Variants in ITGB4 observed in about 807,000 individuals in gnomAD.
ITGB4 encodes the protein integrin subunit beta 4, also known as integrin beta-4.
ITGB4 carries 159 observed loss-of-function variants against 207.6 expected under a neutral mutation model. The ratio of observed to expected loss-of-function variants is 0.77; its 90% CI spans 0.67 to 0.87. The LOEUF is 0.87. Ranked by LOEUF, ITGB4 falls within the 40% of genes least tolerant of loss-of-function variation. ITGB4 has a pLI of 0.00. For synonymous variants in ITGB4, 1,020 were observed against 1,062.7 expected (o/e 0.96, Z 0.78); for missense variants, 2,278 against 2,546.8 (o/e 0.89, Z 2.27).
At chr17:75,754,955 T>TGC (rs2061457104) in intron 34 of ITGB4, 140 bp downstream of exon 34, 5 of 1,279,926 alleles carry the variant, frequency 3.9e-6, no homozygotes, top group African/African-American at 1.9e-5. Flanking sequence ...CGCACACACG[T>TGC]GCACACGCAT....
At position 75,749,060 on chromosome 17, in the gene ITGB4, G is replaced by A. The variant is rs772579736; in HGVS notation, c.3316+15G>A. The A allele has an allele frequency of 3.1e-6, 5 of 1,604,202 alleles. No homozygotes were observed. Among genetic ancestry groups the A allele is most frequent in the South Asian group, 2.2e-5 (2 of 90,670 alleles). On this transcript the variant is annotated intron_variant, in intron 27 of 39. Coordinates refer to ENST00000200181, the MANE Select transcript of ITGB4 (RefSeq NM_000213.5). ...CAGGGACCCAGGTAGGCAGAGCCTG[G>A]GGGTCGGCTTAAGCAGGAGGAGAGG...
Position 75,727,271 on chromosome 17 carries a change from A to G in ITGB4, c.156A>G (p.Thr52=). The G allele has an allele frequency of 1.2e-6, 2 of 1,614,002 alleles. No individual in the cohort carries two copies. The highest frequency in any genetic ancestry group is 1.7e-6 in the Non-Finnish European group (2 of 1,179,932). ...TGGATAAGGACTGCGCCTACTGCAC[A>G]GACGAGGTGAGGACCTGGCCCGGGT... ...VRVDKDCAYC[T]DEMFRDRRCN... is the part of the protein sequence containing the mutation. Residue 52 remains threonine (T), a synonymous_variant, in exon 3 of 40, where the codon ACA becomes ACG. Transcript: ENST00000200181. The surrounding 1 kb of genome is among the most constrained non-coding windows in gnomAD (Gnocchi z 6.0).
rs2061357644 is a variant in ITGB4 at position 75,751,105 on chromosome 17, G to A, written c.3787G>A (p.Asp1263Asn). ...YEVCYGLVND[D>N]NRPIGPMKKV... ...GGTCTGCTATGGCCTGGTCAACGAT[G>A]ACAACCGTAAGAACCAGATCCTTCT... Residue 1263 changes from aspartate (D) to asparagine (N), a missense_variant, in exon 30 of 40, where the codon GAC becomes AAC. Transcript: ENST00000200181. The A allele has an allele frequency of 1.2e-6, 2 of 1,613,418 alleles. No homozygotes were observed. Among genetic ancestry groups the A allele is most frequent in the Non-Finnish European group, 1.7e-6 (2 of 1,180,050 alleles).
Position 75,727,449 on chromosome 17 carries a change from G to T in ITGB4, c.208G>T (p.Ala70Ser). The T allele has an allele frequency of 6.2e-7, 1 of 1,613,972 alleles. No individual in the cohort carries two copies. Among genetic ancestry groups the T allele is most frequent in the Non-Finnish European group, 8.5e-7 (1 of 1,180,016 alleles). ...CAACACCCAGGCGGAGCTGCTGGCC[G>T]CGGGCTGCCAGCGGGAGAGCATCGT... ...RCNTQAELLA[A>S]GCQRESIVVM... The change falls in exon 4 of 40, where the codon GCG (alanine) becomes TCG (serine). Residue 70 changes from alanine to serine, a missense_variant. Transcript: ENST00000200181. The surrounding 1 kb of genome is among the most constrained non-coding windows in gnomAD (Gnocchi z 6.0).
Position 75,748,197 on chromosome 17 carries a change from C to CAAAA in ITGB4, c.3112-627_3112-624dup, listed in dbSNP as rs57537115. On this transcript the variant is annotated intron_variant, in intron 26 of 39. Transcript: ENST00000200181. ...GCAACATAGGGTAACCGTGCCTCTA[C>CAAAA]AAAAAAAAAAAAAAAAAAAATAGCC... is the stretch of plus-strand genomic sequence containing the variant. Among the ~76,000 whole-genome samples the CAAAA allele has an allele frequency of 5.6e-4, 44 of 78,588 alleles. 1 individual carries two copies. Among genetic ancestry groups the CAAAA allele is most frequent in the Admixed American group, 2.7e-3 (16 of 5,938 alleles). 51.6% of individuals were successfully genotyped at this position (78,588 alleles called of 152,430 possible). A position where few individuals can be genotyped will look rare whatever the true frequency, so the allele number is the denominator to read the frequency against.
Position 75,731,545 on chromosome 17 carries a change from G to C in ITGB4, c.1215+177G>C, listed in dbSNP as rs555759349. Among the ~76,000 whole-genome samples, 1 of 152,142 alleles carries C rather than the reference G, an allele frequency of 6.6e-6. No individual in the cohort carries two copies. The highest frequency in any genetic ancestry group is 6.5e-5 in the Admixed American group (1 of 15,280). ...TGCTCCTCTGCTTGTTGGTTTCCTC[G>C]GCATGCAAGCGTCGAGCCCGGAGGC... On this transcript the variant is annotated intron_variant, in intron 10 of 39. Transcript: ENST00000200181. This position sits in a 1 kb window ranked among gnomAD's most constrained non-coding sequence, Gnocchi z 6.8.
intron 6 of ITGB4, among the ~76,000 whole-genome samples, chr17:75,728,823 A>ATT (rs1403556497): frequency 1.1e-4 from 17 of 152,226 alleles, no homozygotes; most frequent in African/African-American, 4.1e-4. Context: ...TCTCTACTAA[A>ATT]AATACAAAAG....
intron 2 of ITGB4, among the ~76,000 whole-genome samples, chr17:75,726,680 T>A (rs550593131): frequency 3.2e-4 from 49 of 152,146 alleles, no homozygotes; most frequent in African/African-American, 1.2e-3. Context: ...TGAAGTGAGC[T>A]GAGATCGCAC....
Position 75,753,964 on chromosome 17 carries a change from G to GC in ITGB4, c.4314dup (p.Gly1439ArgfsTer133). 17 of 1,261,674 alleles carry GC rather than the reference G, an allele frequency of 1.3e-5. No individual in the cohort carries two copies. The highest frequency in any genetic ancestry group is 6.1e-5 in the South Asian group (2 of 32,964). 78.2% of individuals were successfully genotyped at this position (1,261,674 alleles called of 1,614,324 possible). On this transcript the variant is annotated frameshift_variant, in exon 33 of 40. Coordinates refer to ENST00000200181, the MANE Select transcript of ITGB4 (RefSeq NM_000213.5). LOFTEE classifies it high-confidence loss of function. Reference sequence around the variant, plus strand: ...GCCTGCCCCGCAGTGCGACACCCGGGCCCCCCGGAGGTGACAGGCTCACCC... The same window carrying GC: ...GCCTGCCCCGCAGTGCGACACCCGGGCCCCCCCGGAGGTGACAGGCTCACCC...
At chr17:75,755,895 G>A (rs377643734) in intron 35 of ITGB4, 45 bp downstream of exon 35, 15 of 1,586,444 alleles carry the variant, frequency 9.5e-6, no homozygotes, top group South Asian at 2.2e-5. Context: ...GCCCTGCAAG[G>A]CCTGGCCCCA....
rs1243435418 is a variant in ITGB4, at chr17:75,729,294, C to A, written c.596C>A (p.Pro199His). 6.2e-7 allele frequency: 1 copy of A among 1,614,158 alleles called. No individual in the cohort carries two copies. The highest frequency in any genetic ancestry group is 1.1e-5 in the South Asian group (1 of 91,088). The change falls in exon 7 of 40, where the codon CCC (proline) becomes CAC (histidine). Residue 199 changes from proline to histidine, a missense_variant. By Grantham distance (77) the Pro-to-His change is moderately conservative. Transcript: ENST00000200181. This position sits in a 1 kb window ranked among gnomAD's most constrained non-coding sequence, Gnocchi z 4.4. ...KLKEPWPNSD[P>H]PFSFKNVISL... is the part of the protein sequence containing the mutation. The stretch of plus-strand genomic sequence containing the variant: ...AAGGAGCCCTGGCCCAACAGTGACC[C>A]CCCCTTCTCCTTCAAGAACGTCATC...
Position 75,742,484 on chromosome 17 carries a change from A to G in ITGB4, c.2777A>G (p.Asp926Gly). Residue 926 changes from aspartate to glycine, a missense_variant, in exon 24 of 40, where the codon GAC becomes GGC. Asp to Gly is a moderately conservative substitution (Grantham distance 94). Coordinates refer to ENST00000200181, the MANE Select transcript of ITGB4 (RefSeq NM_000213.5). The surrounding 1 kb of genome is among the most constrained non-coding windows in gnomAD (Gnocchi z 5.9). ...VAPGYYTLTA[D>G]QDARGMVEFQ... ...CCCGGCTACTACACCCTCACTGCAG[A>G]CCAGGGTAGGAGGGCGGGTCCGCTG... is the stretch of plus-strand genomic sequence containing the variant. The G allele has an allele frequency of 6.2e-7, 1 of 1,613,122 alleles. No homozygotes were observed. The highest frequency in any genetic ancestry group is 8.5e-7 in the Non-Finnish European group (1 of 1,179,810).
At chr17:75,743,940 C>T in intron 26 of ITGB4, 79 bp downstream of exon 26, 2 of 1,446,576 alleles carry the variant, frequency 1.4e-6, no homozygotes, top group South Asian at 1.2e-5. Context: ...GACAAAGCAG[C>T]ACATGGCAGC....
intron 5 of ITGB4, 24 bp from the exon 6 acceptor site, chr17:75,728,353 C>T (rs2060770242): frequency 6.2e-7 from 1 of 1,608,262 alleles, no homozygotes; most frequent in Non-Finnish European, 8.5e-7. Context: ...TCAGCTATCC[C>T]CTCTCTGTCC....
intron 1 of ITGB4, among the ~76,000 whole-genome samples, chr17:75,724,010 ATG>A (rs1411630019): frequency 1.3e-5 from 2 of 152,356 alleles, no homozygotes; most frequent in East Asian, 3.9e-4. Context: ...GTGTGTGTGC[ATG>A]TCTCACTCTG....
rs142329494 is a variant in ITGB4 at position 75,742,722 on chromosome 17, G to A, written c.2923G>A (p.Gly975Ser). Residue 975 changes from glycine to serine, a missense_variant, in exon 25 of 40, where the codon GGC (glycine) becomes AGC (serine). By Grantham distance (56) the Gly-to-Ser change is moderately conservative (BLOSUM62 0). Transcript: ENST00000200181. The surrounding 1 kb of genome is among the most constrained non-coding windows in gnomAD (Gnocchi z 5.9). Reference protein sequence around the residue: ...IDVPAGTATLGRRLVNITIIK... With the variant: ...IDVPAGTATLSRRLVNITIIK... ...CGTGCCCGCAGGCACTGCCACCCTC[G>A]GCCGCCGCCTGGTAAACATCACCAT... 2.0e-5 allele frequency: 33 copies of A among 1,613,016 alleles called. No individual in the cohort carries two copies. The highest frequency in any genetic ancestry group is 4.0e-5 in the African/African-American group (3 of 75,026).
At position 75,757,186 on chromosome 17, in the gene ITGB4, T is replaced by C. The variant is rs1599326415; in HGVS notation, c.5219-14T>C. Reference sequence around the variant, plus strand: ...CTGGCACCACCCTCTGACTGGCCTATCTGCCCACCCCAGGACCCTTCCCGC... The same window carrying C: ...CTGGCACCACCCTCTGACTGGCCTACCTGCCCACCCCAGGACCCTTCCCGC... On this transcript the variant is annotated splice_polypyrimidine_tract_variant and intron_variant, in intron 38 of 39. Transcript: ENST00000200181. 6.2e-7 allele frequency: 1 copy of C among 1,612,288 alleles called. No homozygotes were observed. The highest frequency in any genetic ancestry group is 1.1e-5 in the South Asian group (1 of 91,060).
rs979857248 is a variant in ITGB4, at chr17:75,721,524, A to T, written c.-99A>T. ...CCCGCGCGCTGCAGCCCCATCTCCT[A>T]GCGGCAGCCCAGGCGCGGAGGGAGC... On this transcript the variant is annotated 5_prime_UTR_variant, in exon 1 of 40. Transcript: ENST00000200181. 1 of 137,998 alleles carries T rather than the reference A, an allele frequency of 7.2e-6. No homozygotes were observed. Among genetic ancestry groups the T allele is most frequent in the Non-Finnish European group, 1.5e-5 (1 of 65,844 alleles). 8.5% of individuals were successfully genotyped at this position (137,998 alleles called of 1,614,324 possible). A position where few individuals can be genotyped will look rare whatever the true frequency, so the allele number is the denominator to read the frequency against.
In ITGB4 at chr17:75,753,837, C is replaced by T. The variant is rs2143454241; in HGVS notation, c.4181C>T (p.Pro1394Leu). 1 of 1,441,962 alleles carries T rather than the reference C, an allele frequency of 6.9e-7. No individual in the cohort carries two copies. The highest frequency in any genetic ancestry group is 2.8e-5 in the East Asian group (1 of 35,566). 89.3% of individuals were successfully genotyped at this position (1,441,962 alleles called of 1,614,324 possible). Reference protein sequence around the residue: ...DLRRVTWRLPPELIPRLSASS... With the variant: ...DLRRVTWRLPLELIPRLSASS... Reference sequence around the variant, plus strand: ...CGGCGCGTCACGTGGCGGCTGCCCCCGGAGCTCATCCCGCGCCTGTCGGCC... The same window carrying T: ...CGGCGCGTCACGTGGCGGCTGCCCCTGGAGCTCATCCCGCGCCTGTCGGCC... The change falls in exon 33 of 40, where the codon CCG becomes CTG. Residue 1394 changes from proline (P) to leucine (L), a missense_variant. Physicochemically the swap from Pro to Leu is moderately conservative, Grantham distance 98. Coordinates refer to ENST00000200181, the MANE Select transcript of ITGB4 (RefSeq NM_000213.5).
Sources: gnomAD v4.1 joint callset for allele counts (sites outside exome capture counted in the v4.1 genomes callset) on GRCh38, gnomAD v4.1.1 for gene constraint, Gnocchi (gnomAD v3.1) non-coding constraint, MANE v1.5 for transcripts, NCBI Gene and HGNC (gene_info 2026-07-23, HGNC 2026-07-21) for gene names.